DYNC1I1: variants seen among roughly 807,000 people sequenced by gnomAD.
The protein encoded by DYNC1I1 is dynein cytoplasmic 1 intermediate chain 1.
DYNC1I1 carries 43 observed loss-of-function variants against 86.6 expected under a neutral mutation model. The ratio of observed to expected loss-of-function variants is 0.50; its 90% CI spans 0.39 to 0.64. The LOEUF is 0.64. Among genes scored for constraint, DYNC1I1 ranks in the 30% least tolerant of loss-of-function variants. The probability of loss-of-function intolerance (pLI) is 0.00; values close to 1 mark genes in which losing one functional copy is unlikely to be tolerated. For synonymous variants in DYNC1I1, 262 were observed against 283.7 expected (o/e 0.92, Z 0.77); for missense variants, 604 against 788.8 (o/e 0.77, Z 2.81).
At chr7:95,831,482 T>C (rs1298962467) in intron 5 of DYNC1I1, among the ~76,000 whole-genome samples, 1 of 152,148 alleles carries the variant, frequency 6.6e-6, no homozygotes, top group Admixed American at 6.5e-5. Context: ...GAGACAGATA[T>C]CTCTTTGAGA....
At chr7:95,810,025 A>G (rs1295138807) in intron 2 of DYNC1I1, among the ~76,000 whole-genome samples, 3 of 152,206 alleles carry the variant, frequency 2.0e-5, no homozygotes, top group African/African-American at 7.2e-5. Flanking sequence ...ACAAACACAC[A>G]GTCATCAATA....
At chr7:96,022,949 A>T (rs1363181600) in intron 10 of DYNC1I1, among the ~76,000 whole-genome samples, 3 of 151,926 alleles carry the variant, frequency 2.0e-5, no homozygotes, top group Admixed American at 6.6e-5. Flanking sequence ...CTGACCCATG[A>T]CTCATGTCGT....
intron 4 of DYNC1I1, among the ~76,000 whole-genome samples, chr7:95,817,044 C>T (rs1205489661): frequency 2.6e-5 from 4 of 151,724 alleles, no homozygotes; most frequent in Non-Finnish European, 4.4e-5. Flanking sequence ...GTGGTGAATT[C>T]CTTGAAAGTA....
intron 6 of DYNC1I1, among the ~76,000 whole-genome samples, chr7:95,872,969 C>G (rs1790212189): frequency 1.3e-5 from 2 of 152,126 alleles, no homozygotes; most frequent in Admixed American, 6.6e-5. Flanking sequence ...CCAAGAAATG[C>G]TGTTGAACGA....
intron 7 of DYNC1I1, among the ~76,000 whole-genome samples, chr7:95,983,000 AT>A (rs1168018198): frequency 6.6e-6 from 1 of 152,184 alleles, no homozygotes; most frequent in African/African-American, 2.4e-5. Flanking sequence ...TTTAGGTATC[AT>A]CCCCATTTCA....
intron 16 of DYNC1I1, among the ~76,000 whole-genome samples, chr7:96,106,640 T>C (rs1791219762): frequency 6.6e-6 from 1 of 152,330 alleles, no homozygotes; most frequent in African/African-American, 2.4e-5. Flanking sequence ...CAAAATATTT[T>C]CTAATTTCCA....
In DYNC1I1 at chr7:96,076,254, A is replaced by T. The variant is rs1584301921; in HGVS notation, c.1650+57A>T. On this transcript the variant is annotated intron_variant, in intron 15 of 16. Transcript: ENST00000447467. ...GGCTGGGAGGGGGGCGCAGTCGGCC[A>T]CTCGCAGTCTCTCCCTCTTTCTCCA... is the stretch of plus-strand genomic sequence containing the variant. 8.2e-6 allele frequency: 13 copies of T among 1,594,336 alleles called. No individual in the cohort carries two copies. The Admixed American group carries it at 2.3e-4, about 28-fold the overall frequency.
intron 16 of DYNC1I1, among the ~76,000 whole-genome samples, chr7:96,085,267 C>T (rs75902003): frequency 0.016 from 2,383 of 152,228 alleles, 58 homozygotes; most frequent in African/African-American, 0.055. Context: ...GGCTTGAATC[C>T]AGATTTAGTG....
chr7:96,094,756 A>G (rs1420091139), intron 16 of DYNC1I1, among the ~76,000 whole-genome samples: 1 of 152,202 alleles, frequency 6.6e-6, no homozygotes, highest in Non-Finnish European at 1.5e-5. Flanking sequence ...GGTTATTTTT[A>G]CAGTCAACAA....
intron 5 of DYNC1I1, among the ~76,000 whole-genome samples, chr7:95,855,765 T>C (rs1584281538): frequency 6.6e-6 from 1 of 152,160 alleles, no homozygotes; most frequent in East Asian, 1.9e-4. Context: ...TATCTAAACA[T>C]GGAAAAGGTA....
At chr7:96,019,970 G>A (rs995429104) in intron 10 of DYNC1I1, among the ~76,000 whole-genome samples, 3 of 151,794 alleles carry the variant, frequency 2.0e-5, no homozygotes. Flanking sequence ...AACAGCCCCA[G>A]GGAAAATAGG....
intron 6 of DYNC1I1, among the ~76,000 whole-genome samples, chr7:95,925,390 T>G (rs1319834972): frequency 6.6e-6 from 1 of 152,190 alleles, no homozygotes; most frequent in Non-Finnish European, 1.5e-5. Flanking sequence ...GCATTGGCTC[T>G]TCAACATTTC....
At chr7:95,969,026 C>T (rs943919224) in intron 6 of DYNC1I1, among the ~76,000 whole-genome samples, 8 of 152,154 alleles carry the variant, frequency 5.3e-5, no homozygotes, top group South Asian at 4.1e-4. Context: ...GCCCTGCTTA[C>T]GAGAATGTAG....
intron 16 of DYNC1I1, among the ~76,000 whole-genome samples, chr7:96,085,064 C>T (rs909497078): frequency 1.3e-5 from 2 of 152,164 alleles, no homozygotes; most frequent in East Asian, 1.9e-4. Flanking sequence ...AGCCCTGGCA[C>T]TCCCTGATTA....
At chr7:95,959,210 G>T (rs1792799146) in intron 6 of DYNC1I1, among the ~76,000 whole-genome samples, 1 of 152,126 alleles carries the variant, frequency 6.6e-6, no homozygotes, top group African/African-American at 2.4e-5. Context: ...GGGGTAGGGA[G>T]TGAGGGGCAG....
intron 14 of DYNC1I1, among the ~76,000 whole-genome samples, chr7:96,043,538 T>TAAA (rs57606644): frequency 0.026 from 3,695 of 143,260 alleles, 79 homozygotes; most frequent in Middle Eastern, 0.051. Context: ...AACAATGTAT[T>TAAA]AAAAAAAAAA....
At chr7:96,027,425 C>T (rs1014524492) in intron 10 of DYNC1I1, among the ~76,000 whole-genome samples, 1 of 152,196 alleles carries the variant, frequency 6.6e-6, no homozygotes, top group Non-Finnish European at 1.5e-5. Context: ...TAATTTCCTA[C>T]AAAATGTACT....
intron 14 of DYNC1I1, among the ~76,000 whole-genome samples, chr7:96,041,528 A>T (rs1384487003): frequency 6.6e-6 from 1 of 152,226 alleles, no homozygotes; most frequent in Non-Finnish European, 1.5e-5. Context: ...CATTCACTGA[A>T]AGATTATTTG....
At chr7:96,033,668 C>T (rs1345321040) in intron 12 of DYNC1I1, among the ~76,000 whole-genome samples, 1 of 152,068 alleles carries the variant, frequency 6.6e-6, no homozygotes, top group East Asian at 1.9e-4. Context: ...AGGATAAAAA[C>T]CCTAGAATGT....
Sources: allele counts gnomAD v4.1 joint callset (sites outside exome capture counted in the v4.1 genomes callset), GRCh38; gene constraint gnomAD v4.1.1; transcripts MANE v1.5; gene names NCBI Gene and HGNC (gene_info 2026-07-23, HGNC 2026-07-21).